The following GATA4 variants were observed in gnomAD, a reference collection of about 807,000 sequenced individuals.
The protein encoded by GATA4 is GATA binding protein 4.
Under a neutral mutation model 37.9 loss-of-function variants are expected in GATA4, and 7 were observed. That is an observed-to-expected ratio of 0.18 (90% CI 0.11 to 0.35). GATA4 has a LOEUF of 0.35. Ranked by LOEUF, GATA4 falls within the 10% of genes least tolerant of loss-of-function variation. GATA4 has a pLI of 1.00. For missense variants in GATA4, 647 were observed against 653.0 expected, an observed-to-expected ratio of 0.99 and a Z score of 0.10; for synonymous variants, 372 against 292.6, an observed-to-expected ratio of 1.27 and a Z score of -2.77.
At chr8:11,693,082 A>C (rs971767286) in intron 1 of GATA4, 3 of 984,560 alleles carry the variant, frequency 3.0e-6, no homozygotes, top group Admixed American at 6.1e-5. Context: ...ACCCGGCAAC[A>C]AATACATGGC....
chr8:11,742,503 G>T (rs553898507), intron 2 of GATA4, among the ~76,000 whole-genome samples: 1 of 152,130 alleles, frequency 6.6e-6, no homozygotes, highest in South Asian at 2.1e-4. Flanking sequence ...TGACGTCCTG[G>T]GTTCTTGTCC....
intron 2 of GATA4, among the ~76,000 whole-genome samples, chr8:11,718,831 T>TATAATCGCAGA (rs1800545217): frequency 6.6e-6 from 1 of 152,236 alleles, no homozygotes; most frequent in Admixed American, 6.5e-5. Context: ...GCAGGTTAAT[T>TATAATCGCAGA]ATAATCGCAG....
At chr8:11,715,099 A>C (rs1193970640) in intron 2 of GATA4, among the ~76,000 whole-genome samples, 5 of 152,258 alleles carry the variant, frequency 3.3e-5, no homozygotes, top group African/African-American at 7.2e-5. Context: ...GTAGGCAAGA[A>C]ATAATGAAGT....
At chr8:11,688,535 C>G (rs1799213511), upstream of GATA4, among the ~76,000 whole-genome samples, 8 of 151,920 alleles carry the variant, frequency 5.3e-5, 1 homozygote, top group South Asian at 1.7e-3. Context: ...CACACACACA[C>G]ACACACACAC....
At position 11,707,426 on chromosome 8, in the gene GATA4, C is replaced by G. The variant is rs1799939309; in HGVS notation, c.-457-430C>G. ...TAAAGTTCTTTCTAGGCCAGTCTCCCCATCTTTCTTGGGGAGAGATGGGGA... is the reference window on the plus strand; with the variant it reads ...TAAAGTTCTTTCTAGGCCAGTCTCCGCATCTTTCTTGGGGAGAGATGGGGA... On this transcript the variant is annotated intron_variant, in intron 1 of 6. Coordinates refer to ENST00000532059, the MANE Select transcript of GATA4 (RefSeq NM_001308093.3). This position sits in a 1 kb window ranked among gnomAD's most constrained non-coding sequence, Gnocchi z 4.7. 6.6e-6 allele frequency among the ~76,000 whole-genome samples: 1 copy of G among 151,932 alleles called. No homozygotes were observed. Among genetic ancestry groups the G allele is most frequent in the Admixed American group, 6.6e-5 (1 of 15,252 alleles).
At chr8:11,706,322 G>T (rs999953892) in intron 1 of GATA4, among the ~76,000 whole-genome samples, 1 of 152,166 alleles carries the variant, frequency 6.6e-6, no homozygotes, top group African/African-American at 2.4e-5. Flanking sequence ...CAGTAATAAA[G>T]ATGATCATTT....
At chr8:11,743,627 C>G (rs552630247) in intron 2 of GATA4, among the ~76,000 whole-genome samples, 1 of 152,254 alleles carries the variant, frequency 6.6e-6, no homozygotes, top group Non-Finnish European at 1.5e-5. Flanking sequence ...TCCCTCTCCC[C>G]GCCCTGACTG....
chr8:11,757,002 C>A lies in GATA4; in HGVS notation c.1068C>A (p.Thr356=), dbSNP rs775324602. ...GASSNSSNAT[T]SSSEEMRPIK... ...CCAGCAACTCCAGCAACGCCACCAC[C>A]AGCAGCAGCGAGGAGATGCGTCCCA... The change falls in exon 6 of 7, where the codon ACC becomes ACA. Residue 356 remains threonine, a synonymous_variant. Transcript: ENST00000532059. The A allele has an allele frequency of 1.2e-6, 2 of 1,614,240 alleles. No individual in the cohort carries two copies. Among genetic ancestry groups the A allele is most frequent in the African/African-American group, 1.3e-5 (1 of 75,070 alleles).
intron 1 of GATA4, chr8:11,680,840 GA>G (rs1269490486): frequency 1.8e-5 from 18 of 985,394 alleles, no homozygotes; most frequent in Non-Finnish European, 2.2e-5. Context: ...TGGGCAGCAA[GA>G]CACATAGCGA....
chr8:11,731,414 T>C (rs1324280226), intron 2 of GATA4, among the ~76,000 whole-genome samples: 1 of 152,196 alleles, frequency 6.6e-6, no homozygotes, highest in Admixed American at 6.5e-5. Flanking sequence ...AAAAAGGAAG[T>C]CTTGCACTGC....
Position 11,708,798 on chromosome 8 carries a change from C to T in GATA4, c.486C>T (p.Tyr162=), listed in dbSNP as rs1253695712. The T allele has an allele frequency of 2.0e-6, 3 of 1,476,512 alleles. No homozygotes were observed. Among genetic ancestry groups the T allele is most frequent in the Admixed American group, 4.6e-5 (2 of 43,338 alleles). The allele number at this position is 1,476,512 out of a possible 1,614,324, so 91.5% of individuals were successfully genotyped here. A position where few individuals can be genotyped will look rare whatever the true frequency, so the allele number is the denominator to read the frequency against. ...TCGCGGGCTCCTACTCCAGCCCCTACCCGGCTTACATGGCCGACGTGGGCG... is the reference window on the plus strand; with the variant it reads ...TCGCGGGCTCCTACTCCAGCCCCTATCCGGCTTACATGGCCGACGTGGGCG... ...AGFAGSYSSP[Y]PAYMADVGAS... Residue 162 remains tyrosine (Y), a synonymous_variant, in exon 2 of 7, where the codon TAC becomes TAT. Transcript: ENST00000532059. The surrounding 1 kb of genome is among the most constrained non-coding windows in gnomAD (Gnocchi z 6.7).
At chr8:11,719,766 T>C (rs533316908) in intron 2 of GATA4, among the ~76,000 whole-genome samples, 95 of 152,312 alleles carry the variant, frequency 6.2e-4, no homozygotes, top group African/African-American at 2.3e-3. Context: ...CCAGATTGGA[T>C]CCTTAAACAC....
chr8:11,752,932 T>C (rs58228017), intron 4 of GATA4, among the ~76,000 whole-genome samples: 4,306 of 152,310 alleles, frequency 0.028, 187 homozygotes, highest in African/African-American at 0.098. Flanking sequence ...GTTAAACTAT[T>C]GTTCTTCAAT....
Position 11,708,535 on chromosome 8 carries a change from G to C in GATA4, c.223G>C (p.Ala75Pro), listed in dbSNP as rs556967140. The C allele has an allele frequency of 5.6e-6, 8 of 1,439,550 alleles. No homozygotes were observed. The South Asian group carries it at 1.0e-4, about 18-fold the overall frequency. The allele number at this position is 1,439,550 out of a possible 1,614,324, so 89.2% of individuals were successfully genotyped here. A position where few individuals can be genotyped will look rare whatever the true frequency, so the allele number is the denominator to read the frequency against. ...GASGGSSGGAASGAGPGTQQG... is the reference protein window; with the variant it reads ...GASGGSSGGAPSGAGPGTQQG... ...CTCGGGCGGCAGCTCCGGTGGGGCC[G>C]CGTCTGGTGCGGGGCCCGGGACCCA... is the stretch of plus-strand genomic sequence containing the variant. Residue 75 changes from alanine to proline, a missense_variant, in exon 2 of 7, where the codon GCG (alanine) becomes CCG (proline). Ala to Pro is a conservative substitution (Grantham distance 27). Coordinates refer to ENST00000532059, the MANE Select transcript of GATA4 (RefSeq NM_001308093.3). This position sits in a 1 kb window ranked among gnomAD's most constrained non-coding sequence, Gnocchi z 6.7.
chr8:11,720,575 A>G (rs1217854426), intron 2 of GATA4, among the ~76,000 whole-genome samples: 1 of 152,136 alleles, frequency 6.6e-6, no homozygotes, highest in Non-Finnish European at 1.5e-5. Context: ...CCCAATGCTT[A>G]TCTTTTCTAC....
At chr8:11,679,457 C>A (rs1034895819) in intron 1 of GATA4, among the ~76,000 whole-genome samples, 27 of 152,162 alleles carry the variant, frequency 1.8e-4, no homozygotes, top group African/African-American at 6.3e-4. Flanking sequence ...ATAAACCAGG[C>A]GGCGTCAGGC....
chr8:11,714,360 GT>G (rs1198280821), intron 2 of GATA4, among the ~76,000 whole-genome samples: 2 of 152,134 alleles, frequency 1.3e-5, no homozygotes, highest in Non-Finnish European at 2.9e-5. Context: ...TGTTCTCAGA[GT>G]TTTTTTATGG....
At chr8:11,745,256 G>A (rs75664846) in intron 2 of GATA4, among the ~76,000 whole-genome samples, 3,516 of 152,052 alleles carry the variant, frequency 0.023, 85 homozygotes, top group South Asian at 0.081. Flanking sequence ...GGATTCCTGC[G>A]TCCTTTAATA....
chr8:11,681,388 G>C (rs1798965541), intron 1 of GATA4: 1 of 985,078 alleles, frequency 1.0e-6, no homozygotes, highest in Non-Finnish European at 1.2e-6. Context: ...ACTCCTGGCA[G>C]ACCCTTCCGG....
Sources: gnomAD v4.1 joint callset for allele counts (sites outside exome capture counted in the v4.1 genomes callset) on GRCh38, gnomAD v4.1.1 for gene constraint, Gnocchi (gnomAD v3.1) non-coding constraint, MANE v1.5 for transcripts, NCBI Gene and HGNC (gene_info 2026-07-23, HGNC 2026-07-21) for gene names.